The following MAPK8IP3 variants were observed in gnomAD, a reference collection of about 807,000 sequenced individuals.
MAPK8IP3 encodes mitogen-activated protein kinase 8 interacting protein 3, also known as C-Jun-amino-terminal kinase-interacting protein 3.
A neutral mutation model predicts 157.8 loss-of-function variants in MAPK8IP3; 49 were observed. The ratio of observed to expected loss-of-function variants is 0.31; its 90% CI spans 0.25 to 0.39. MAPK8IP3 has a LOEUF of 0.39. Ranked by LOEUF, MAPK8IP3 falls within the 10% of genes least tolerant of loss-of-function variation. The probability of loss-of-function intolerance (pLI) is 1.00; values close to 1 mark genes in which losing one functional copy is unlikely to be tolerated. For synonymous variants in MAPK8IP3, 897 were observed against 777.7 expected, an observed-to-expected ratio of 1.15 and a Z score of -2.55; for missense variants, 1,478 against 1,889.4, an observed-to-expected ratio of 0.78 and a Z score of 4.04.
At chr16:1,760,569 C>T (rs200440647) in intron 12 of MAPK8IP3, 37 bp downstream of exon 12, 2 of 1,590,188 alleles carry the variant, frequency 1.3e-6, no homozygotes, top group African/African-American at 2.7e-5. Flanking sequence ...CAGAGAGGGA[C>T]CCCGGCCTCA....
At chr16:1,765,282 T>A in intron 20 of MAPK8IP3, 104 bp downstream of exon 20, 1 of 1,328,480 alleles carries the variant, frequency 7.5e-7, no homozygotes. Flanking sequence ...GGGTGTCCTG[T>A]GGACACGGGA....
chr16:1,731,267 G>A (rs1280204608), intron 4 of MAPK8IP3, among the ~76,000 whole-genome samples: 2 of 152,196 alleles, frequency 1.3e-5, no homozygotes, highest in East Asian at 1.9e-4. Context: ...GGGCGGAGGT[G>A]GCAGCGAGCC....
At chr16:1,763,963 GAGA>G in intron 17 of MAPK8IP3, 149 bp from the exon 18 acceptor site, 1 of 1,067,054 alleles carries the variant, frequency 9.4e-7, no homozygotes, top group East Asian at 2.6e-5. Context: ...TGGAGGGTCG[GAGA>G]AGGAGCCCCG....
At chr16:1,744,115 G>C in intron 5 of MAPK8IP3, 1 of 985,780 alleles carries the variant, frequency 1.0e-6, no homozygotes, top group Non-Finnish European at 1.2e-6. Flanking sequence ...GGGGCCCAGA[G>C]CCAGGCCACT....
At position 1,762,493 on chromosome 16, in the gene MAPK8IP3, G is replaced by A. The variant is rs563227987; in HGVS notation, c.1670+12G>A. On this transcript the variant is annotated intron_variant, in intron 14 of 31. Coordinates refer to ENST00000610761, the MANE Select transcript of MAPK8IP3 (RefSeq NM_001318852.2). ...ACTGAGATGATCAGGTGGGAGTTGC[G>A]GCCACCCCAGGAGGGGCTGCGGGAT... The A allele has an allele frequency of 4.1e-5, 66 of 1,611,120 alleles. 1 individual carries two copies. The highest frequency in any genetic ancestry group is 5.5e-5 in the South Asian group (5 of 90,766).
At chr16:1,709,470 T>G (rs2037616847) in intron 1 of MAPK8IP3, among the ~76,000 whole-genome samples, 1 of 152,256 alleles carries the variant, frequency 6.6e-6, no homozygotes. Context: ...TGGAGAATTG[T>G]GGGCAGGCAG....
Position 1,768,344 on chromosome 16 carries a change from C to A in MAPK8IP3, c.3708C>A (p.His1236Gln), listed in dbSNP as rs201073820. 6.2e-7 allele frequency: 1 copy of A among 1,605,350 alleles called. No individual in the cohort carries two copies. The highest frequency in any genetic ancestry group is 8.5e-7 in the Non-Finnish European group (1 of 1,179,816). ...AGGCCCAGCTATGCTTCCATGGGCACCGCGATGCCGTGAAGTTCTTTGTCT... is the reference window on the plus strand; with the variant it reads ...AGGCCCAGCTATGCTTCCATGGGCAACGCGATGCCGTGAAGTTCTTTGTCT... ...MAQAQLCFHGHRDAVKFFVSV... is the reference protein window; with the variant it reads ...MAQAQLCFHGQRDAVKFFVSV... The change falls in exon 30 of 32, where the codon CAC becomes CAA. Residue 1236 changes from histidine (H) to glutamine (Q), a missense_variant. Transcript: ENST00000610761.
chr16:1,729,646 C>T (rs1010980027), intron 4 of MAPK8IP3, 68 bp downstream of exon 4: 3 of 1,418,102 alleles, frequency 2.1e-6, no homozygotes, highest in African/African-American at 1.4e-5. Context: ...GGACGCGGCA[C>T]ATGCCAGGGT....
At position 1,766,258 on chromosome 16, in the gene MAPK8IP3, TCCCAG is replaced by T. The variant is rs2042254148; in HGVS notation, c.2669_2673del (p.Ser890PhefsTer36). On this transcript the variant is annotated frameshift_variant, in exon 22 of 32. Coordinates refer to ENST00000610761, the MANE Select transcript of MAPK8IP3 (RefSeq NM_001318852.2). LOFTEE classifies it high-confidence loss of function. ...CATCGCCAACGGGAAGGTCAACCCG[TCCCAG>T]TCCACAGAGGAGGCCACAGAGGCCA... 6.2e-7 allele frequency: 1 copy of T among 1,611,802 alleles called. No individual in the cohort carries two copies. The highest frequency in any genetic ancestry group is 8.5e-7 in the Non-Finnish European group (1 of 1,179,682).
chr16:1,730,588 A>T (rs1315490228), intron 4 of MAPK8IP3, among the ~76,000 whole-genome samples: 2 of 152,094 alleles, frequency 1.3e-5, no homozygotes, highest in Non-Finnish European at 1.5e-5. Flanking sequence ...ACACTCCTGT[A>T]ATCCCAGCAC....
intron 4 of MAPK8IP3, among the ~76,000 whole-genome samples, chr16:1,739,081 C>T (rs1596660651): frequency 8.6e-6 from 1 of 116,952 alleles, no homozygotes; most frequent in Non-Finnish European, 1.7e-5. Flanking sequence ...TGAGTGTGAC[C>T]ATCCATGTGA....
chr16:1,748,842 C>T (rs755865067), intron 8 of MAPK8IP3, 122 bp downstream of exon 8: 2 of 896,792 alleles, frequency 2.2e-6, no homozygotes, highest in Non-Finnish European at 3.7e-6. Context: ...CTTTTTTTTT[C>T]CAGCTTTGTT....
rs2042354003 is a variant in MAPK8IP3, at chr16:1,767,688, A to G, written c.3362A>G (p.Gln1121Arg). Residue 1121 changes from glutamine to arginine, a missense_variant, in exon 27 of 32, where the codon CAG becomes CGG. By Grantham distance (43) the Gln-to-Arg change is conservative. Transcript: ENST00000610761. ...TLRLYHAHTH[Q>R]HLQDVDIEPY... is the part of the protein sequence containing the mutation. The stretch of plus-strand genomic sequence containing the variant: ...AGGCTCTACCATGCACACACGCACC[A>G]GCATCTACAGGACGTGGACATTGAG... 5 of 1,612,684 alleles carry G rather than the reference A, an allele frequency of 3.1e-6. No homozygotes were observed. The African/African-American group carries it at 6.7e-5, about 22-fold the overall frequency.
chr16:1,730,911 C>G (rs1440534808), intron 4 of MAPK8IP3, among the ~76,000 whole-genome samples: 2 of 149,902 alleles, frequency 1.3e-5, no homozygotes, highest in South Asian at 4.2e-4. Context: ...AGGCTGAGGC[C>G]GGCAGATCAC....
At chr16:1,730,790 C>A (rs964536456) in intron 4 of MAPK8IP3, among the ~76,000 whole-genome samples, 4 of 150,838 alleles carry the variant, frequency 2.7e-5, no homozygotes, top group Non-Finnish European at 5.9e-5. Context: ...TTGCAGTGAG[C>A]CAAGATCGCA....
At chr16:1,716,315 T>C (rs2038148179) in intron 1 of MAPK8IP3, among the ~76,000 whole-genome samples, 1 of 150,864 alleles carries the variant, frequency 6.6e-6, no homozygotes, top group East Asian at 2.0e-4. Context: ...CATTTCTTTT[T>C]TTTTTTTTTT....
Position 1,753,217 on chromosome 16 carries a change from C to G in MAPK8IP3, c.1216+4497C>G, listed in dbSNP as rs140168622. Reference sequence around the variant, plus strand: ...TGGTGATGGAGAAATAAAAAGAGCCCAGGTCGGGCATCTGTTGTATTCCAT... The same window carrying G: ...TGGTGATGGAGAAATAAAAAGAGCCGAGGTCGGGCATCTGTTGTATTCCAT... On this transcript the variant is annotated intron_variant, in intron 8 of 31. Transcript: ENST00000610761. Among the ~76,000 whole-genome samples the G allele has an allele frequency of 1.3e-3, 193 of 152,308 alleles. 3 individuals are homozygous for G. Among genetic ancestry groups the G allele is most frequent in the African/African-American group, 4.5e-3 (188 of 41,568 alleles).
Position 1,729,590 on chromosome 16 carries a change from G to A in MAPK8IP3, c.602+12G>A, listed in dbSNP as rs1162672761. On this transcript the variant is annotated intron_variant, in intron 4 of 31. Transcript: ENST00000610761. ...CTGCCGGGGCGGAGGTACGCGGGGC[G>A]CGGCGGGGTGGAGGTACGCGGGGCG... 7 of 1,581,306 alleles carry A rather than the reference G, an allele frequency of 4.4e-6. No individual in the cohort carries two copies. The highest frequency in any genetic ancestry group is 1.1e-5 in the South Asian group (1 of 87,826).
chr16:1,736,785 T>C (rs62652189), intron 4 of MAPK8IP3, among the ~76,000 whole-genome samples: 1,470 of 56,114 alleles, frequency 0.026, 91 homozygotes, highest in Admixed American at 0.061. Context: ...TGACCATCCG[T>C]GTGTGACCGT....
Sources: gnomAD v4.1 joint callset for allele counts (sites outside exome capture counted in the v4.1 genomes callset) on GRCh38, gnomAD v4.1.1 for gene constraint, MANE v1.5 for transcripts, NCBI Gene and HGNC (gene_info 2026-07-23, HGNC 2026-07-21) for gene names.